Variants in ARSG observed in about 807,000 individuals in gnomAD.
ARSG encodes ASG.
Under a neutral mutation model 50.5 loss-of-function variants are expected in ARSG, and 37 were observed. That is an observed-to-expected ratio of 0.73 (90% CI 0.56 to 0.96). The LOEUF is 0.96. ARSG is among the 50% of genes least tolerant of loss of function. The pLI, the probability that ARSG is intolerant of heterozygous loss-of-function variation, is 0.00. For synonymous variants in ARSG, 225 were observed against 254.6 expected (o/e 0.88, Z 1.11); for missense variants, 629 against 675.3 (o/e 0.93, Z 0.76).
chr17:68,292,305 G>A (rs1265494596), intron 1 of ARSG, among the ~76,000 whole-genome samples: 1 of 152,174 alleles, frequency 6.6e-6, no homozygotes, highest in Non-Finnish European at 1.5e-5. Flanking sequence ...CCCTCTGTAA[G>A]GGACCTGGAG....
chr17:68,363,247 G>A (rs940469448), intron 6 of ARSG, among the ~76,000 whole-genome samples: 1 of 152,068 alleles, frequency 6.6e-6, no homozygotes, highest in East Asian at 1.9e-4. Flanking sequence ...TAAGTGTTTT[G>A]GGGCAAGATA....
At chr17:68,431,368 G>C in the ARSG span, among the ~76,000 whole-genome samples, 1 of 152,160 alleles carries the variant, frequency 6.6e-6, no homozygotes, top group Admixed American at 6.5e-5. Flanking sequence ...TGGGGACTGA[G>C]CATGGAGCCC....
chr17:68,282,754 C>G (rs2075732037), intron 1 of ARSG, among the ~76,000 whole-genome samples: 1 of 127,250 alleles, frequency 7.9e-6, no homozygotes, highest in Non-Finnish European at 1.6e-5. Context: ...GCAGTCTGGC[C>G]AACATAGTGA....
the ARSG span, chr17:68,428,785 G>T: frequency 1.4e-6 from 2 of 1,480,474 alleles, no homozygotes; most frequent in South Asian, 2.3e-5. Flanking sequence ...AACTCTACAC[G>T]ACCAGCTCTC....
chr17:68,381,425 G>A lies in ARSG; in HGVS notation c.983-3639G>A, dbSNP rs1014232472. Reference sequence around the variant, plus strand: ...CATGGCCATAAGACACGCATTTCTCGACAGAAAGCCGAAGGCAACTAACAG... The same window carrying A: ...CATGGCCATAAGACACGCATTTCTCAACAGAAAGCCGAAGGCAACTAACAG... On this transcript the variant is annotated intron_variant, in intron 8 of 11. Coordinates refer to ENST00000621439, the MANE Select transcript of ARSG (RefSeq NM_001267727.2). The surrounding 1 kb of genome is among the most constrained non-coding windows in gnomAD (Gnocchi z 4.1). 1.3e-5 allele frequency among the ~76,000 whole-genome samples: 2 copies of A among 152,180 alleles called. No individual in the cohort carries two copies. The highest frequency in any genetic ancestry group is 2.9e-5 in the Non-Finnish European group (2 of 68,034).
At chr17:68,444,443 G>A in the ARSG span, 1 of 1,524,768 alleles carries the variant, frequency 6.6e-7, no homozygotes, top group Non-Finnish European at 9.0e-7. Context: ...TGGGAAAGAA[G>A]CACCAGGACA....
intron 4 of ARSG, among the ~76,000 whole-genome samples, chr17:68,347,722 GT>G (rs2146316166): frequency 6.6e-6 from 1 of 152,312 alleles, no homozygotes; most frequent in East Asian, 1.9e-4. Context: ...ATTACTGATG[GT>G]TTTTCAAAGT....
intron 2 of ARSG, among the ~76,000 whole-genome samples, chr17:68,308,343 T>G (rs1599653379): frequency 1.3e-5 from 2 of 152,242 alleles, no homozygotes; most frequent in East Asian, 3.9e-4. Context: ...TTCAGATGTG[T>G]TCGGAGTTTC....
chr17:68,265,845 A>G (rs1350248395), intron 1 of ARSG, among the ~76,000 whole-genome samples: 4 of 152,094 alleles, frequency 2.6e-5, no homozygotes, highest in African/African-American at 9.7e-5. Context: ...ATCCGTAAAT[A>G]AAATTCCATT....
At chr17:68,388,706 C>G (rs1381906925) in intron 9 of ARSG, among the ~76,000 whole-genome samples, 1 of 152,044 alleles carries the variant, frequency 6.6e-6, no homozygotes, top group Non-Finnish European at 1.5e-5. Context: ...GCGGGCGGAT[C>G]ATGAGGTCAG....
intron 3 of ARSG, 80 bp downstream of exon 3, chr17:68,343,871 T>G (rs2078387044): frequency 7.2e-7 from 1 of 1,391,378 alleles, no homozygotes; most frequent in African/African-American, 1.4e-5. Context: ...ACATACTCCC[T>G]GTCTGCTTTC....
the ARSG span, among the ~76,000 whole-genome samples, chr17:68,435,266 C>T: frequency 6.6e-6 from 1 of 151,688 alleles, no homozygotes; most frequent in Non-Finnish European, 1.5e-5. Context: ...CAGAAGACAT[C>T]AATTTCTCTA....
the ARSG span, among the ~76,000 whole-genome samples, chr17:68,435,206 C>CAA: frequency 0.062 from 8,614 of 139,032 alleles, 315 homozygotes; most frequent in African/African-American, 0.093. Flanking sequence ...GACTCCACCT[C>CAA]AAAAAAAAAA....
At chr17:68,290,470 C>T (rs1228009144), upstream of ARSG, among the ~76,000 whole-genome samples, 2 of 152,210 alleles carry the variant, frequency 1.3e-5, no homozygotes, top group Non-Finnish European at 2.9e-5. Context: ...TGCGCGGGAC[C>T]GGCCGTCAGC....
At position 68,351,580 on chromosome 17, in the gene ARSG, G is replaced by A. The variant is rs773398550; in HGVS notation, c.460G>A (p.Asp154Asn). 6.2e-7 allele frequency: 1 copy of A among 1,607,146 alleles called. No individual in the cohort carries two copies. Residue 154 changes from aspartate (D) to asparagine (N), a missense_variant, in exon 5 of 12, where the codon GAT becomes AAT. Transcript: ENST00000621439. The stretch of plus-strand genomic sequence containing the variant: ...ACCGGTTGCTTCTATTCCAGGTTTT[G>A]ATTACTACTTTGGAATCCCATATAG... ...GSYHPNFRGF[D>N]YYFGIPYSHD...
rs549932018 is a variant in ARSG at position 68,295,474 on chromosome 17, TA to T, written c.-552+3917del. 2.7e-3 allele frequency among the ~76,000 whole-genome samples: 396 copies of T among 145,726 alleles called. 1 individual carries two copies. The highest frequency in any genetic ancestry group is 8.3e-3 in the African/African-American group (331 of 39,912). ...TTGCCATTTATTACTGCTTAAAAAT[TA>T]AAAAAAAAAATAGAGAACATAGCCT... is the stretch of plus-strand genomic sequence containing the variant. On this transcript the variant is annotated intron_variant, in intron 1 of 11. Coordinates refer to ENST00000621439, the MANE Select transcript of ARSG (RefSeq NM_001267727.2).
chr17:68,368,456 G>C, intron 6 of ARSG, 92 bp from the exon 7 acceptor site: 1 of 1,215,986 alleles, frequency 8.2e-7, no homozygotes, highest in African/African-American at 1.5e-5. Context: ...AGGAGCTTTG[G>C]GGATTTTCCT....
intron 1 of ARSG, among the ~76,000 whole-genome samples, chr17:68,262,349 T>C (rs1411416461): frequency 3.3e-5 from 5 of 151,638 alleles, no homozygotes; most frequent in African/African-American, 1.2e-4. Flanking sequence ...CGGGCGCCTG[T>C]AGTCCCAGCT....
chr17:68,431,782 G>GGCCC, the ARSG span, among the ~76,000 whole-genome samples: 80 of 152,212 alleles, frequency 5.3e-4, no homozygotes, highest in Non-Finnish European at 6.3e-4. Context: ...GTTGAGCGGA[G>GGCCC]AACCCAGAAC....
Sources: gnomAD v4.1 joint callset for allele counts (sites outside exome capture counted in the v4.1 genomes callset) on GRCh38, gnomAD v4.1.1 for gene constraint, Gnocchi (gnomAD v3.1) non-coding constraint, MANE v1.5 for transcripts, NCBI Gene and HGNC (gene_info 2026-07-23, HGNC 2026-07-21) for gene names.